Variants in LRRC69 observed in about 807,000 individuals in gnomAD.
LRRC69 encodes leucine-rich repeat-containing protein 69.
In LRRC69, 42 loss-of-function variants were observed where a neutral mutation model predicts 37.8. That is an observed-to-expected ratio of 1.11 (90% CI 0.87 to 1.44). The LOEUF is 1.44. LRRC69 is among the 40% of genes most tolerant of loss of function. LRRC69 has a pLI of 0.00. For synonymous variants in LRRC69, 141 were observed against 143.1 expected (o/e 0.99, Z 0.11); for missense variants, 357 against 401.9 (o/e 0.89, Z 0.96).
At chr8:91,148,257 A>AGT (rs1449801709) in intron 5 of LRRC69, among the ~76,000 whole-genome samples, 3 of 146,062 alleles carry the variant, frequency 2.1e-5, no homozygotes, top group Non-Finnish European at 4.5e-5. Flanking sequence ...ATCAGGCCCC[A>AGT]GTGTGTGATG....
intron 5 of LRRC69, among the ~76,000 whole-genome samples, chr8:91,174,299 G>A (rs967082097): frequency 1.1e-4 from 17 of 152,224 alleles, no homozygotes; most frequent in African/African-American, 4.1e-4. Flanking sequence ...TATTCTTTTG[G>A]TTAAAATAGT....
At chr8:91,179,533 C>G (rs1809289262) in intron 5 of LRRC69, among the ~76,000 whole-genome samples, 1 of 152,170 alleles carries the variant, frequency 6.6e-6, no homozygotes, top group Non-Finnish European at 1.5e-5. Context: ...GACACAGATT[C>G]ATAACATATA....
Position 91,166,108 on chromosome 8 carries a change from T to A in LRRC69, c.652-23414T>A, listed in dbSNP as rs190678990. ...CTGTGTGACTTCGGGAAAATTTTAA[T>A]TGAACTTGAACTTTAATTCCTTTAT... On this transcript the variant is annotated intron_variant, in intron 5 of 7. Coordinates refer to ENST00000448384, the Ensembl canonical transcript of LRRC69. 2.6e-4 allele frequency among the ~76,000 whole-genome samples: 40 copies of A among 151,950 alleles called. 2 individuals carry two copies. The East Asian group carries it at 7.8e-3, about 30-fold the overall frequency.
At chr8:91,135,254 C>G (rs1015047564) in intron 4 of LRRC69, among the ~76,000 whole-genome samples, 3 of 152,036 alleles carry the variant, frequency 2.0e-5, no homozygotes, top group Admixed American at 6.6e-5. Flanking sequence ...TGCAGACAGC[C>G]TCTAGCTGTT....
At chr8:91,162,515 G>A (rs1472386659) in intron 5 of LRRC69, among the ~76,000 whole-genome samples, 1 of 151,022 alleles carries the variant, frequency 6.6e-6, no homozygotes, top group Non-Finnish European at 1.5e-5. Flanking sequence ...GACCTTCTTT[G>A]TTCCTTTTTA....
chr8:91,124,407 A>G, intron 1 of LRRC69, 86 bp from the exon 2 acceptor site: 2 of 1,037,202 alleles, frequency 1.9e-6, no homozygotes, highest in Non-Finnish European at 2.6e-6. Flanking sequence ...GGTTACATAG[A>G]TGTGAGCAAG....
rs532021296 is a variant in LRRC69 at position 91,197,368 on chromosome 8, A to G, written c.754-3245A>G. The stretch of plus-strand genomic sequence containing the variant: ...GCCTCCTGGAGCTGTGGTGGGCTCC[A>G]CCCAGTTCGAGCTTCCCCGGCTGCT... On this transcript the variant is annotated intron_variant, in intron 6 of 7. Coordinates refer to ENST00000448384, the Ensembl canonical transcript of LRRC69. Among the ~76,000 whole-genome samples, 110 of 152,268 alleles carry G rather than the reference A, an allele frequency of 7.2e-4. 1 individual carries two copies. In the East Asian group the frequency reaches 0.013, roughly 18 times the overall value.
intron 5 of LRRC69, among the ~76,000 whole-genome samples, chr8:91,164,861 T>G (rs1174928212): frequency 6.6e-6 from 1 of 151,676 alleles, no homozygotes; most frequent in Non-Finnish European, 1.5e-5. Context: ...TATGCCTGAT[T>G]ATCATGTATT....
intron 5 of LRRC69, among the ~76,000 whole-genome samples, chr8:91,148,646 A>G (rs1225912117): frequency 6.6e-6 from 1 of 152,014 alleles, no homozygotes; most frequent in Non-Finnish European, 1.5e-5. Flanking sequence ...TAGATCCCTG[A>G]CGAATCACCA....
chr8:91,200,853 C>T (rs1809701194), intron 7 of LRRC69, 61 bp downstream of exon 7: 5 of 1,398,180 alleles, frequency 3.6e-6, no homozygotes, highest in Non-Finnish European at 4.8e-6. Flanking sequence ...TTGTTCTTAT[C>T]TAAATCAGTT....
At chr8:91,114,672 T>C (rs1001353539) in intron 1 of LRRC69, among the ~76,000 whole-genome samples, 28 of 152,066 alleles carry the variant, frequency 1.8e-4, no homozygotes, top group African/African-American at 6.5e-4. Flanking sequence ...CATAGGTTTT[T>C]AGCCTAAGAG....
Position 91,218,882 on chromosome 8 carries a change from C to T in LRRC69, c.934-8C>T, listed in dbSNP as rs1288162307. 1.3e-6 allele frequency: 2 copies of T among 1,510,816 alleles called. No homozygotes were observed. Among genetic ancestry groups the T allele is most frequent in the Non-Finnish European group, 1.8e-6 (2 of 1,114,942 alleles). 93.6% of individuals were successfully genotyped at this position (1,510,816 alleles called of 1,614,324 possible). A position where few individuals can be genotyped will look rare whatever the true frequency, so the allele number is the denominator to read the frequency against. Reference sequence around the variant, plus strand: ...GCCTAAATTTTATTTTTAATCTTTACTTTTTAGGACTGGAAGATAAGCAAG... The same window carrying T: ...GCCTAAATTTTATTTTTAATCTTTATTTTTTAGGACTGGAAGATAAGCAAG... On this transcript the variant is annotated splice_polypyrimidine_tract_variant and splice_region_variant and intron_variant, in intron 7 of 7. Coordinates refer to ENST00000448384, the Ensembl canonical transcript of LRRC69.
At chr8:91,106,874 G>T (rs1813322866) in intron 1 of LRRC69, among the ~76,000 whole-genome samples, 1 of 151,394 alleles carries the variant, frequency 6.6e-6, no homozygotes, top group Non-Finnish European at 1.5e-5. Flanking sequence ...CTCACTGCAG[G>T]CTCGAACTCC....
At chr8:91,167,099 G>GT (rs1488008424) in intron 5 of LRRC69, among the ~76,000 whole-genome samples, 3 of 151,884 alleles carry the variant, frequency 2.0e-5, no homozygotes, top group Non-Finnish European at 4.4e-5. Flanking sequence ...TGAAAACTCA[G>GT]TGAGTACTAC....
chr8:91,131,677 A>C (rs906247392), intron 3 of LRRC69, among the ~76,000 whole-genome samples: 1 of 151,952 alleles, frequency 6.6e-6, no homozygotes, highest in African/African-American at 2.4e-5. Context: ...TTGTGGCTAC[A>C]ATATGGAGAT....
chr8:91,127,845 A>AGC (rs1563597574), intron 3 of LRRC69, among the ~76,000 whole-genome samples: 1 of 151,996 alleles, frequency 6.6e-6, no homozygotes, highest in African/African-American at 2.4e-5. Flanking sequence ...CAGGGTTTTA[A>AGC]AAGAGAATAC....
At position 91,132,425 on chromosome 8, in the gene LRRC69, C is replaced by G. The variant is rs530421553; in HGVS notation, c.384-685C>G. On this transcript the variant is annotated intron_variant, in intron 3 of 7. Coordinates refer to ENST00000448384, the Ensembl canonical transcript of LRRC69. ...TCCTTATTCATAATATTTTTCTTAG[C>G]TTACTATTCCCTCTTATTGCCCTAT... 3.9e-5 allele frequency among the ~76,000 whole-genome samples: 6 copies of G among 152,126 alleles called. No individual in the cohort carries two copies. In the South Asian group the frequency reaches 1.0e-3, roughly 26 times the overall value.
chr8:91,176,007 A>T (rs1809217964), intron 5 of LRRC69, among the ~76,000 whole-genome samples: 1 of 150,852 alleles, frequency 6.6e-6, no homozygotes. Context: ...TATCTCTATT[A>T]CAGAATTTAT....
intron 6 of LRRC69, among the ~76,000 whole-genome samples, chr8:91,193,796 A>G (rs1809544781): frequency 7.0e-6 from 1 of 142,446 alleles, no homozygotes; most frequent in South Asian, 2.4e-4. Flanking sequence ...GTCTGCAAAC[A>G]GGGACAATTT....
Sources: allele counts gnomAD v4.1 joint callset (sites outside exome capture counted in the v4.1 genomes callset), GRCh38; gene constraint gnomAD v4.1.1; transcripts MANE v1.5; gene names NCBI Gene and HGNC (gene_info 2026-07-23, HGNC 2026-07-21).